The following ADAD1 variants were observed in gnomAD, a reference collection of about 807,000 sequenced individuals.
ADAD1 encodes the protein adenosine deaminase domain-containing protein 1.
In ADAD1, 46 loss-of-function variants were observed where a neutral mutation model predicts 66.8. The ratio of observed to expected loss-of-function variants is 0.69; its 90% confidence interval spans 0.54 to 0.88. The LOEUF is 0.88. Among genes scored for constraint, ADAD1 ranks in the 40% least tolerant of loss-of-function variants. The probability of loss-of-function intolerance (pLI) is 0.00; values close to 1 mark genes in which losing one functional copy is unlikely to be tolerated. For missense variants in ADAD1, 617 were observed against 681.8 expected (o/e 0.91, Z 1.06); for synonymous variants, 248 against 229.4 (o/e 1.08, Z -0.73).
chr4:122,411,785 C>A (rs1796476629), intron 9 of ADAD1, among the ~76,000 whole-genome samples: 1 of 152,122 alleles, frequency 6.6e-6, no homozygotes, highest in South Asian at 2.1e-4. Context: ...TAGTTCCAAG[C>A]ATTTTAGATA....
At chr4:122,413,862 A>ATATG (rs1796583400) in intron 10 of ADAD1, among the ~76,000 whole-genome samples, 2 of 143,494 alleles carry the variant, frequency 1.4e-5, no homozygotes, top group South Asian at 4.2e-4. Context: ...ATATATATAT[A>ATATG]TATATATATA....
At chr4:122,421,183 T>C in intron 11 of ADAD1, 78 bp from the exon 12 acceptor site, 2 of 1,139,396 alleles carry the variant, frequency 1.8e-6, no homozygotes, top group Non-Finnish European at 2.3e-6. Flanking sequence ...TGTAGATCCA[T>C]ATTGATTTTA....
intron 10 of ADAD1, among the ~76,000 whole-genome samples, chr4:122,414,444 G>A (rs1160804260): frequency 6.6e-6 from 1 of 151,166 alleles, no homozygotes; most frequent in Non-Finnish European, 1.5e-5. Flanking sequence ...TATTTGATTA[G>A]TTTTCTTTTG....
intron 4 of ADAD1, 148 bp from the exon 5 acceptor site, chr4:122,383,651 T>G (rs757906078): frequency 4.3e-5 from 36 of 841,630 alleles, no homozygotes; most frequent in Non-Finnish European, 6.3e-5. Context: ...GTTTAACTCC[T>G]ATTGGTCCTA....
intron 5 of ADAD1, 49 bp from the exon 6 acceptor site, chr4:122,393,540 T>C: frequency 6.7e-7 from 1 of 1,481,554 alleles, no homozygotes; most frequent in Non-Finnish European, 9.1e-7. Flanking sequence ...TACCAGCTCT[T>C]TGGAATGTTG....
chr4:122,416,371 T>A (rs1345678140), intron 11 of ADAD1, among the ~76,000 whole-genome samples: 1 of 152,238 alleles, frequency 6.6e-6, no homozygotes, highest in Non-Finnish European at 1.5e-5. Context: ...TGAATAATGT[T>A]AAAAATTTAA....
At chr4:122,422,629 G>T (rs530097504) in intron 12 of ADAD1, among the ~76,000 whole-genome samples, 1 of 152,160 alleles carries the variant, frequency 6.6e-6, no homozygotes, top group Non-Finnish European at 1.5e-5. Flanking sequence ...ATATTTTTAA[G>T]TATAAAAGCT....
intron 8 of ADAD1, among the ~76,000 whole-genome samples, 185 bp downstream of exon 8, chr4:122,408,216 A>T (rs574555756): frequency 6.6e-6 from 1 of 152,164 alleles, no homozygotes; most frequent in Admixed American, 6.5e-5. Flanking sequence ...AGTAACGCCA[A>T]TGTCTACCCT....
intron 5 of ADAD1, among the ~76,000 whole-genome samples, chr4:122,393,197 A>G (rs187017426): frequency 3.3e-5 from 5 of 152,244 alleles, no homozygotes; most frequent in African/African-American, 1.2e-4. Context: ...GCCTGGTAAA[A>G]TAGTGTTATT....
rs547782747 is a variant in ADAD1 at position 122,415,382 on chromosome 4, A to G, written c.1253A>G (p.Asp418Gly). 3 of 1,607,680 alleles carry G rather than the reference A, an allele frequency of 1.9e-6. No homozygotes were observed. Among genetic ancestry groups the G allele is most frequent in the South Asian group, 1.1e-5 (1 of 89,656 alleles). ...PVYISSILIG[D>G]GNCSDTRGLE... is the part of the protein sequence containing the mutation. The stretch of plus-strand genomic sequence containing the variant: ...GTGTTTTGTTTTTGCTTTCTAGGTG[A>G]TGGGAATTGCAGTGATACCAGAGGC... Residue 418 changes from aspartate (D) to glycine (G), a missense_variant, in exon 11 of 13, where the codon GAT (aspartate) becomes GGT (glycine). By Grantham distance (94) the Asp-to-Gly change is moderately conservative. Transcript: ENST00000296513.
At chr4:122,400,586 T>A (rs1795927677) in intron 7 of ADAD1, among the ~76,000 whole-genome samples, 1 of 152,156 alleles carries the variant, frequency 6.6e-6, no homozygotes, top group Non-Finnish European at 1.5e-5. Context: ...TTGGTACCAA[T>A]TCTTCTTTGA....
chr4:122,383,194 A>G (rs1472224824), intron 4 of ADAD1, among the ~76,000 whole-genome samples: 2 of 152,100 alleles, frequency 1.3e-5, no homozygotes, highest in East Asian at 3.9e-4. Flanking sequence ...TTAGTTTATC[A>G]TTATGTTTTG....
intron 12 of ADAD1, among the ~76,000 whole-genome samples, chr4:122,422,119 TCC>T: frequency 8.4e-6 from 1 of 119,528 alleles, no homozygotes; most frequent in Non-Finnish European, 1.8e-5. Context: ...GACATGAACA[TCC>T]TTTTTTTTTT....
chr4:122,399,491 A>T (rs1188463735), intron 7 of ADAD1, among the ~76,000 whole-genome samples: 1 of 151,910 alleles, frequency 6.6e-6, no homozygotes, highest in Non-Finnish European at 1.5e-5. Context: ...GTTCTATGTG[A>T]ATTTTAGGAT....
intron 12 of ADAD1, among the ~76,000 whole-genome samples, chr4:122,429,424 G>GAAA (rs367665444): frequency 7.4e-6 from 1 of 135,438 alleles, no homozygotes; most frequent in South Asian, 2.3e-4. Flanking sequence ...TGGCTCTTAG[G>GAAA]AAAAAAAAAA....
intron 11 of ADAD1, among the ~76,000 whole-genome samples, chr4:122,415,956 A>AT (rs1466858658): frequency 6.6e-6 from 1 of 152,038 alleles, no homozygotes; most frequent in Non-Finnish European, 1.5e-5. Flanking sequence ...AATCATGTAA[A>AT]TTTTTTTAGA....
chr4:122,380,355 G>A (rs1794832793), intron 3 of ADAD1, 114 bp downstream of exon 3: 5 of 1,271,954 alleles, frequency 3.9e-6, no homozygotes, highest in Non-Finnish European at 5.4e-6. Context: ...ACATTTACCC[G>A]TGGCCGTGTA....
rs1051040335 is a variant in ADAD1, at chr4:122,393,666, G to C, written c.598+9G>C. 3 of 1,578,294 alleles carry C rather than the reference G, an allele frequency of 1.9e-6. No individual in the cohort carries two copies. The stretch of plus-strand genomic sequence containing the variant: ...TTCAAAAGTACATTATGGTAGGAAA[G>C]TTTTTTGTGACGTTCTTCTTTAGAA... On this transcript the variant is annotated intron_variant, in intron 6 of 12. Coordinates refer to ENST00000296513, the MANE Select transcript of ADAD1 (RefSeq NM_139243.4).
At chr4:122,416,688 G>A (rs1301079169) in intron 11 of ADAD1, among the ~76,000 whole-genome samples, 1 of 151,660 alleles carries the variant, frequency 6.6e-6, no homozygotes, top group East Asian at 1.9e-4. Context: ...AGCTATGACT[G>A]TATCACTGCA....
Sources: gnomAD v4.1 joint callset for allele counts (sites outside exome capture counted in the v4.1 genomes callset) on GRCh38, gnomAD v4.1.1 for gene constraint, MANE v1.5 for transcripts, NCBI Gene and HGNC (gene_info 2026-07-23, HGNC 2026-07-21) for gene names.